Variants in OR2T10 observed in about 807,000 individuals in gnomAD.
The protein encoded by OR2T10 is olfactory receptor 2T10.
For missense variants in OR2T10, 335 were observed against 382.5 expected, an observed-to-expected ratio of 0.88 and a Z score of 1.04; for synonymous variants, 125 against 141.8, an observed-to-expected ratio of 0.88 and a Z score of 0.84.
rs780656753 is a variant in OR2T10 at position 248,592,802 on chromosome 1, A to G, written c.*28T>C. ...TAAAGTGAAGAGAGACTCTAAGAAG[A>G]GAGGACCAACTTAAGTTCTTTCACA... On this transcript the variant is annotated 3_prime_UTR_variant, in exon 2 of 2. Transcript: ENST00000642090. 11 of 1,294,930 alleles carry G rather than the reference A, an allele frequency of 8.5e-6. 2 individuals carry two copies. In the East Asian group the frequency reaches 1.9e-4, roughly 22 times the overall value. 80.2% of individuals were successfully genotyped at this position (1,294,930 alleles called of 1,614,324 possible).
At position 248,593,115 on chromosome 1, in the gene OR2T10, G is replaced by A; in HGVS notation, c.654C>T (p.Tyr218=). 6.4e-7 allele frequency: 1 copy of A among 1,573,132 alleles called. No homozygotes were observed. The highest frequency in any genetic ancestry group is 8.6e-7 in the Non-Finnish European group (1 of 1,156,926). ...LIPVTVISVS[Y]YYIILTIHKM... ...TATGGATGGTGAGGATGATATAGTA[G>A]TAAGACACTGAAATGACCGTCACAG... The change falls in exon 2 of 2, where the codon TAC becomes TAT. Residue 218 remains tyrosine, a synonymous_variant. Coordinates refer to ENST00000642090, the MANE Select transcript of OR2T10 (RefSeq NM_001004693.2).
At chr1:248,594,643 A>C (rs1237281314) in intron 1 of OR2T10, among the ~76,000 whole-genome samples, 1 of 143,424 alleles carries the variant, frequency 7.0e-6, no homozygotes, top group Non-Finnish European at 1.5e-5. Context: ...ATTATCATCC[A>C]ATCAGTTTAT....
In OR2T10 at chr1:248,593,067, C is replaced by T. The variant is rs1660036806; in HGVS notation, c.702G>A (p.Arg234=). Residue 234 remains arginine, a synonymous_variant, in exon 2 of 2, where the codon CGG becomes CGA. Coordinates refer to ENST00000642090, the MANE Select transcript of OR2T10 (RefSeq NM_001004693.2). The part of the protein sequence containing the change: ...TIHKMNSVEG[R]KKAFTTCSSH... The stretch of plus-strand genomic sequence containing the variant: ...AGGAGCAGGTGGTGAAGGCCTTTTT[C>T]CGACCCTCAACTGAGTTCATCTTAT... The T allele has an allele frequency of 1.3e-6, 2 of 1,571,644 alleles. No individual in the cohort carries two copies. The highest frequency in any genetic ancestry group is 1.7e-6 in the Non-Finnish European group (2 of 1,156,024).
At chr1:248,596,361 C>G (rs1436113276) in intron 1 of OR2T10, among the ~76,000 whole-genome samples, 1 of 143,014 alleles carries the variant, frequency 7.0e-6, no homozygotes, top group Non-Finnish European at 1.5e-5. Context: ...CCAAGTTGAA[C>G]AGGTGGTTTA....
Position 248,593,677 on chromosome 1 carries a change from A to T in OR2T10, c.92T>A (p.Ile31Asn), listed in dbSNP as rs771374808. ...ISHPGRLCLL[I>N]FSIFLMAVSW... ...CACAGCCATCAAAAATATACTGAAG[A>T]TAAGCAAGCAGAGGCGGCCAGGGTG... Residue 31 changes from isoleucine to asparagine, a missense_variant, in exon 2 of 2, where the codon ATC becomes AAC. Physicochemically the swap from Ile to Asn is moderately radical, Grantham distance 149. Transcript: ENST00000642090. The T allele has an allele frequency of 1.9e-6, 3 of 1,561,200 alleles. 1 individual carries two copies. The highest frequency in any genetic ancestry group is 2.6e-6 in the Non-Finnish European group (3 of 1,148,906).
At chr1:248,594,554 C>T (rs57604843) in intron 1 of OR2T10, among the ~76,000 whole-genome samples, 6,158 of 141,976 alleles carry the variant, frequency 0.043, 1,455 homozygotes, top group African/African-American at 0.16. Context: ...TGTTCTAATC[C>T]GTTGTGTTTC....
rs562198114 is a variant in OR2T10 at position 248,595,996 on chromosome 1, G to A, written c.-29+1496C>T. ...GCCACTGTCAGTCAATGTCTGTCCC[G>A]TCAAATAAAACAACTGCAAAATGTG... On this transcript the variant is annotated intron_variant, in intron 1 of 1. Coordinates refer to ENST00000642090, the MANE Select transcript of OR2T10 (RefSeq NM_001004693.2). Among the ~76,000 whole-genome samples, 129 of 143,112 alleles carry A rather than the reference G, an allele frequency of 9.0e-4. 18 individuals carry two copies. In the South Asian group the frequency reaches 0.02, roughly 22 times the overall value. 93.9% of individuals were successfully genotyped at this position (143,112 alleles called of 152,430 possible).
At position 248,597,639 on chromosome 1, in the gene OR2T10, C is replaced by A. The variant is rs192663695; in HGVS notation, c.-176G>T. On this transcript the variant is annotated 5_prime_UTR_variant, in exon 1 of 2. Coordinates refer to ENST00000642090, the MANE Select transcript of OR2T10 (RefSeq NM_001004693.2). Reference sequence around the variant, plus strand: ...AGTGAAACACCAGCCTGCTTTTCTGCGAAAGGGTTTCAGATGATGAAACAC... The same window carrying A: ...AGTGAAACACCAGCCTGCTTTTCTGAGAAAGGGTTTCAGATGATGAAACAC... 4 of 143,204 alleles carry A rather than the reference C, an allele frequency of 2.8e-5. No homozygotes were observed. Among genetic ancestry groups the A allele is most frequent in the Non-Finnish European group, 6.0e-5 (4 of 66,274 alleles). 8.9% of individuals were successfully genotyped at this position (143,204 alleles called of 1,614,324 possible). A position where few individuals can be genotyped will look rare whatever the true frequency, so the allele number is the denominator to read the frequency against.
rs534559114 is a variant in OR2T10, at chr1:248,592,391, C to T, written c.*439G>A. On this transcript the variant is annotated 3_prime_UTR_variant, in exon 2 of 2. Transcript: ENST00000642090. The stretch of plus-strand genomic sequence containing the variant: ...ATTTGTGAAATGTGGGTGACCTTAG[C>T]CTCAGCCACAGAGGGTGAAGGTCGA... 1.1e-3 allele frequency: 155 copies of T among 147,334 alleles called. 19 individuals carry two copies. Among genetic ancestry groups the T allele is most frequent in the Non-Finnish European group, 8.0e-4 (55 of 68,610 alleles). 9.1% of individuals were successfully genotyped at this position (147,334 alleles called of 1,614,324 possible). A position where few individuals can be genotyped will look rare whatever the true frequency, so the allele number is the denominator to read the frequency against.
rs200945077 is a variant in OR2T10 at position 248,593,224 on chromosome 1, G to A, written c.545C>T (p.Pro182Leu). The A allele has an allele frequency of 3.2e-6, 5 of 1,573,596 alleles. No homozygotes were observed. Among genetic ancestry groups the A allele is most frequent in the Non-Finnish European group, 3.5e-6 (4 of 1,157,022 alleles). Residue 182 changes from proline (P) to leucine (L), a missense_variant, in exon 2 of 2, where the codon CCT (proline) becomes CTT (leucine). Physicochemically the swap from Pro to Leu is moderately conservative, Grantham distance 98. Transcript: ENST00000642090. Reference protein sequence around the residue: ...HEIQHFFCEVPAVLKLSCSDT... With the variant: ...HEIQHFFCEVLAVLKLSCSDT... ...TGAGCAAGAGAGCTTCAAAACAGCA[G>A]GGACCTCACAGAAGAAGTGCTGAAT...
In OR2T10 at chr1:248,593,140, G is replaced by C. The variant is rs560031490; in HGVS notation, c.629C>G (p.Pro210Arg). The C allele has an allele frequency of 8.9e-5, 140 of 1,572,852 alleles. 21 individuals are homozygous for C. The South Asian group carries it at 1.5e-3, about 17-fold the overall frequency. The change falls in exon 2 of 2, where the codon CCT becomes CGT. Residue 210 changes from proline (P) to arginine (R), a missense_variant. Coordinates refer to ENST00000642090, the MANE Select transcript of OR2T10 (RefSeq NM_001004693.2). ...YLCCVIMLLI[P>R]VTVISVSYYY... ...GTAAGACACTGAAATGACCGTCACA[G>C]GTATCAGGAGCATGATGACACAGCA...
At chr1:248,593,828 C>A in intron 1 of OR2T10, 32 bp from the exon 2 acceptor site, 1 of 847,066 alleles carries the variant, frequency 1.2e-6, no homozygotes, top group Non-Finnish European at 1.9e-6. Flanking sequence ...TATTTATAAT[C>A]ATGTGTGTAC....
At chr1:248,595,112 A>G (rs1660072039) in intron 1 of OR2T10, 1 of 142,916 alleles carries the variant, frequency 7.0e-6, no homozygotes, top group Non-Finnish European at 1.5e-5. Context: ...CTACCTGGCT[A>G]TTTTGGGGGG....
At position 248,596,576 on chromosome 1, in the gene OR2T10, CAATT is replaced by C. The variant is rs1227857457; in HGVS notation, c.-29+912_-29+915del. On this transcript the variant is annotated intron_variant, in intron 1 of 1. Coordinates refer to ENST00000642090, the MANE Select transcript of OR2T10 (RefSeq NM_001004693.2). Reference sequence around the variant, plus strand: ...AGAACAAAACTCCCCTTAACCAAATCAATTAATTTATCCACTTCTAGGAAACAAA... The same window carrying C: ...AGAACAAAACTCCCCTTAACCAAATCAATTTATCCACTTCTAGGAAACAAA... Among the ~76,000 whole-genome samples, 5 of 143,546 alleles carry C rather than the reference CAATT, an allele frequency of 3.5e-5. 1 individual carries two copies. The highest frequency in any genetic ancestry group is 2.2e-4 in the South Asian group (1 of 4,572). The allele number at this position is 143,546 out of a possible 152,430, so 94.2% of individuals were successfully genotyped here.
At position 248,593,592 on chromosome 1, in the gene OR2T10, C is replaced by T; in HGVS notation, c.177G>A (p.Met59Ile). 6.4e-7 allele frequency: 1 copy of T among 1,566,426 alleles called. No homozygotes were observed. The highest frequency in any genetic ancestry group is 1.7e-5 in the Admixed American group (1 of 58,124). Residue 59 changes from methionine (M) to isoleucine (I), a missense_variant, in exon 2 of 2, where the codon ATG becomes ATA. Met to Ile is a conservative substitution (Grantham distance 10, BLOSUM62 1). Transcript: ENST00000642090. ...GTGAGAGCTGGTTTATAAAGAAGTA[C>T]ATGGGAGTATGCAGAGAGGAGTCAA... is the stretch of plus-strand genomic sequence containing the variant. Reference protein sequence around the residue: ...IHIDSSLHTPMYFFINQLSLI... With the variant: ...IHIDSSLHTPIYFFINQLSLI...
Position 248,593,056 on chromosome 1 carries a change from A to G in OR2T10, c.713T>C (p.Phe238Ser). ...TGTAATGTGGGAGGAGCAGGTGGTG[A>G]AGGCCTTTTTCCGACCCTCAACTGA... is the stretch of plus-strand genomic sequence containing the variant. ...MNSVEGRKKA[F>S]TTCSSHITVV... Residue 238 changes from phenylalanine (F) to serine (S), a missense_variant, in exon 2 of 2, where the codon TTC (phenylalanine) becomes TCC (serine). Transcript: ENST00000642090. The G allele has an allele frequency of 6.4e-7, 1 of 1,572,018 alleles. No individual in the cohort carries two copies. The highest frequency in any genetic ancestry group is 8.6e-7 in the Non-Finnish European group (1 of 1,156,102).
At chr1:248,597,092 G>A (rs533492410) in intron 1 of OR2T10, among the ~76,000 whole-genome samples, 3 of 143,540 alleles carry the variant, frequency 2.1e-5, no homozygotes, top group Non-Finnish European at 4.5e-5. Context: ...GGAGGAAAAG[G>A]CTCAAGATCT....
In OR2T10 at chr1:248,590,829, A is replaced by G. The variant is rs185409601; in HGVS notation, c.*2001T>C. 4.2e-5 allele frequency: 6 copies of G among 142,904 alleles called. 2 individuals are homozygous for G. Among genetic ancestry groups the G allele is most frequent in the Admixed American group, 4.1e-4 (6 of 14,680 alleles). 8.9% of individuals were successfully genotyped at this position (142,904 alleles called of 1,614,324 possible). A position where few individuals can be genotyped will look rare whatever the true frequency, so the allele number is the denominator to read the frequency against. On this transcript the variant is annotated 3_prime_UTR_variant, in exon 2 of 2. Coordinates refer to ENST00000642090, the MANE Select transcript of OR2T10 (RefSeq NM_001004693.2). ...ACATCAATATTGATATATCTTCAAC[A>G]TGATTTTTCATACATTTAAGTTTTG...
In OR2T10 at chr1:248,592,642, G is replaced by A. The variant is rs1660027923; in HGVS notation, c.*188C>T. 4 of 467,350 alleles carry A rather than the reference G, an allele frequency of 8.6e-6. No homozygotes were observed. The highest frequency in any genetic ancestry group is 7.0e-5 in the Admixed American group (2 of 28,676). The allele number at this position is 467,350 out of a possible 1,614,324, so 29.0% of individuals were successfully genotyped here. A position where few individuals can be genotyped will look rare whatever the true frequency, so the allele number is the denominator to read the frequency against. ...ACTGGACTAGAGATCAATGCTACGA[G>A]GGAAGGGGGGGATAAGTGAACATCA... On this transcript the variant is annotated 3_prime_UTR_variant, in exon 2 of 2. Transcript: ENST00000642090.
Sources: allele counts gnomAD v4.1 joint callset (sites outside exome capture counted in the v4.1 genomes callset), GRCh38; gene constraint gnomAD v4.1.1; transcripts MANE v1.5; gene names NCBI Gene and HGNC (gene_info 2026-07-23, HGNC 2026-07-21).